Variants in HFM1 observed in about 807,000 individuals in gnomAD.
HFM1 encodes the protein probable ATP-dependent DNA helicase HFM1.
HFM1 carries 169 observed loss-of-function variants against 192.1 expected under a neutral mutation model. The observed-to-expected ratio is 0.88, with a 90% CI of 0.78 to 1.00. The LOEUF is 1.00. Ranked by LOEUF, HFM1 falls within the 50% of genes least tolerant of loss-of-function variation. The pLI, the probability that HFM1 is intolerant of heterozygous loss-of-function variation, is 0.00. For missense variants in HFM1, 1,661 were observed against 1,668.0 expected (o/e 1.00, Z 0.07); for synonymous variants, 525 against 537.8 (o/e 0.98, Z 0.33).
intron 30 of HFM1, among the ~76,000 whole-genome samples, chr1:91,286,868 G>A (rs1444029928): frequency 1.3e-5 from 2 of 152,200 alleles, no homozygotes; most frequent in African/African-American, 4.8e-5. Context: ...GGGTCAGGGA[G>A]TTCCCTTTCC....
At position 91,351,606 on chromosome 1, in the gene HFM1, A is replaced by T. The variant is rs1372076695; in HGVS notation, c.2015T>A (p.Leu672Ter). Residue 672 changes from leucine to a stop codon, truncating the protein, a stop_gained, in exon 17 of 39, where the codon TTA becomes TAA. Coordinates refer to ENST00000370425, the MANE Select transcript of HFM1 (RefSeq NM_001017975.6). LOFTEE classifies it high-confidence loss of function. ...TTATAVIMTR[L>*]STRDKYIQML... ...CTGAATGTACTTGTCCCTTGTGCTT[A>T]ATCGAGTCATGATAACTGCAGTAGC... 1 of 1,603,466 alleles carries T rather than the reference A, an allele frequency of 6.2e-7. No individual in the cohort carries two copies. The highest frequency in any genetic ancestry group is 1.1e-5 in the South Asian group (1 of 89,676).
chr1:91,394,320 T>A lies in HFM1; in HGVS notation c.267A>T (p.Lys89Asn), dbSNP rs148999016. 2.3e-5 allele frequency: 36 copies of A among 1,582,440 alleles called. No individual in the cohort carries two copies. Among genetic ancestry groups the A allele is most frequent in the Non-Finnish European group, 3.1e-5 (36 of 1,151,828 alleles). ...TATCAGAAGGAAAGGCAAACTGGAA[T>A]TTTTGTGTTAGTGAAATATAATTTG... The part of the protein sequence containing the change: ...EDTNYISLTQ[K>N]FQFAFPSDKY... The change falls in exon 4 of 39, where the codon AAA (lysine) becomes AAT (asparagine). Residue 89 changes from lysine to asparagine, a missense_variant. Transcript: ENST00000370425.
chr1:91,316,068 C>T, intron 27 of HFM1, 33 bp downstream of exon 27: 1 of 1,495,374 alleles, frequency 6.7e-7, no homozygotes. Context: ...TCTGAAAAGA[C>T]AATAAAATAT....
chr1:91,277,077 G>GA lies in HFM1; in HGVS notation c.3392-16dup. ...GGCAGTCGTTCCTAAATTAATATAA[G>GA]AAAAACAAATCCATTTGTCACTACA... On this transcript the variant is annotated splice_polypyrimidine_tract_variant and intron_variant, in intron 30 of 38. Coordinates refer to ENST00000370425, the MANE Select transcript of HFM1 (RefSeq NM_001017975.6). 1 of 1,433,322 alleles carries GA rather than the reference G, an allele frequency of 7.0e-7. No individual in the cohort carries two copies. Among genetic ancestry groups the GA allele is most frequent in the Non-Finnish European group, 9.7e-7 (1 of 1,032,814 alleles). The allele number at this position is 1,433,322 out of a possible 1,614,324, so 88.8% of individuals were successfully genotyped here.
intron 13 of HFM1, among the ~76,000 whole-genome samples, chr1:91,366,375 C>A (rs2101878304): frequency 6.6e-6 from 1 of 152,296 alleles, no homozygotes; most frequent in South Asian, 2.1e-4. Flanking sequence ...AGTTTATGAG[C>A]AAGCAAACAA....
At chr1:91,289,338 C>T (rs1161774002) in intron 30 of HFM1, among the ~76,000 whole-genome samples, 9 of 151,740 alleles carry the variant, frequency 5.9e-5, no homozygotes, top group South Asian at 2.1e-4. Flanking sequence ...ACTTCCTAGA[C>T]GGGATGACGG....
At chr1:91,299,702 T>C (rs1215593610) in intron 30 of HFM1, among the ~76,000 whole-genome samples, 3 of 152,046 alleles carry the variant, frequency 2.0e-5, no homozygotes, top group Admixed American at 1.3e-4. Context: ...CATAACGAAA[T>C]GAAGGCAGAA....
At chr1:91,289,188 G>C (rs1419357236) in intron 30 of HFM1, among the ~76,000 whole-genome samples, 2 of 151,900 alleles carry the variant, frequency 1.3e-5, no homozygotes, top group African/African-American at 4.8e-5. Flanking sequence ...CAGACGGGGT[G>C]GTGGCGGGGC....
chr1:91,346,393 A>G (rs946958493), intron 19 of HFM1, among the ~76,000 whole-genome samples: 4 of 152,226 alleles, frequency 2.6e-5, no homozygotes, highest in African/African-American at 9.6e-5. Flanking sequence ...CCTTGAAGAT[A>G]ACACAACTTA....
At position 91,262,490 on chromosome 1, in the gene HFM1, A is replaced by T; in HGVS notation, c.4077T>A (p.Asn1359Lys). The T allele has an allele frequency of 6.3e-7, 1 of 1,596,932 alleles. No homozygotes were observed. Among genetic ancestry groups the T allele is most frequent in the South Asian group, 1.1e-5 (1 of 89,114 alleles). Reference sequence around the variant, plus strand: ...AAGTGCTTCTTCTTACAATAACTGCATTTCCGGCTTGTTGAGGTAATTTTG... The same window carrying T: ...AAGTGCTTCTTCTTACAATAACTGCTTTTCCGGCTTGTTGAGGTAATTTTG... ...SMTKLPQQAG[N>K]AVIVHFQERK... The change falls in exon 37 of 39, where the codon AAT becomes AAA. Residue 1359 changes from asparagine (N) to lysine (K), a missense_variant. Coordinates refer to ENST00000370425, the MANE Select transcript of HFM1 (RefSeq NM_001017975.6).
At chr1:91,399,850 G>T (rs567889336) in intron 2 of HFM1, among the ~76,000 whole-genome samples, 1 of 151,966 alleles carries the variant, frequency 6.6e-6, no homozygotes, top group Non-Finnish European at 1.5e-5. Flanking sequence ...ACATATTTTT[G>T]ACCATATTTT....
intron 11 of HFM1, among the ~76,000 whole-genome samples, chr1:91,376,740 C>T (rs1293835516): frequency 6.6e-6 from 1 of 151,564 alleles, no homozygotes; most frequent in Non-Finnish European, 1.5e-5. Context: ...ACAATAAATC[C>T]TATAAATATT....
At chr1:91,364,607 CATATATAT>C (rs202070365) in intron 13 of HFM1, among the ~76,000 whole-genome samples, 1 of 97,918 alleles carries the variant, frequency 1.0e-5, no homozygotes, top group African/African-American at 4.3e-5. Context: ...TATACATATA[CATATATAT>C]ATATATATAT....
At chr1:91,356,156 G>C (rs988572362) in intron 13 of HFM1, among the ~76,000 whole-genome samples, 2 of 151,538 alleles carry the variant, frequency 1.3e-5, no homozygotes, top group African/African-American at 2.4e-5. Context: ...AAACCAAAAG[G>C]GAAATTAAAA....
chr1:91,316,713 C>T (rs1042684410), intron 25 of HFM1, among the ~76,000 whole-genome samples: 3 of 152,068 alleles, frequency 2.0e-5, no homozygotes, highest in Non-Finnish European at 4.4e-5. Context: ...GAAAGAGAAA[C>T]TCTGGTCCAC....
chr1:91,262,173 A>C (rs1665221631), intron 38 of HFM1, 68 bp downstream of exon 38: 1 of 689,966 alleles, frequency 1.4e-6, no homozygotes, highest in Non-Finnish European at 2.3e-6. Flanking sequence ...AGGAAAACGG[A>C]AGGCTGAATT....
At chr1:91,344,665 T>C (rs1429964651) in intron 19 of HFM1, among the ~76,000 whole-genome samples, 1 of 392 alleles carries the variant, frequency 2.6e-3, no homozygotes. Context: ...AGAATGACTG[T>C]GTAATTTTAA....
At chr1:91,298,885 G>A (rs1250524924) in intron 30 of HFM1, among the ~76,000 whole-genome samples, 3 of 152,172 alleles carry the variant, frequency 2.0e-5, no homozygotes, top group Non-Finnish European at 4.4e-5. Flanking sequence ...ATCCACTAAT[G>A]AGCAAAATAA....
chr1:91,364,632 A>ATATATATATATATATTTTTT (rs753472335), intron 13 of HFM1, among the ~76,000 whole-genome samples: 1 of 66,786 alleles, frequency 1.5e-5, no homozygotes, highest in Non-Finnish European at 2.5e-5. Flanking sequence ...ATATATATAT[A>ATATATATATATATATTTTTT]TTTTTTTTTT....
Sources: gnomAD v4.1 joint callset for allele counts (sites outside exome capture counted in the v4.1 genomes callset) on GRCh38, gnomAD v4.1.1 for gene constraint, MANE v1.5 for transcripts, NCBI Gene and HGNC (gene_info 2026-07-23, HGNC 2026-07-21) for gene names.